TTLL5: variants seen among roughly 807,000 people sequenced by gnomAD.
The protein encoded by TTLL5 is tubulin polyglutamylase TTLL5.
Under a neutral mutation model 168.4 loss-of-function variants are expected in TTLL5, and 132 were observed. The ratio of observed to expected loss-of-function variants is 0.78; its 90% CI spans 0.68 to 0.91. The LOEUF (loss-of-function observed/expected upper bound fraction) is 0.91. Among genes scored for constraint, TTLL5 ranks in the 40% least tolerant of loss-of-function variants. The pLI is 0.00. For missense variants in TTLL5, 1,545 were observed against 1,581.5 expected (o/e 0.98, Z 0.39); for synonymous variants, 546 against 558.6 (o/e 0.98, Z 0.32).
intron 12 of TTLL5, among the ~76,000 whole-genome samples, chr14:75,731,048 C>T (rs955724505): frequency 3.3e-5 from 5 of 152,178 alleles, no homozygotes; most frequent in Non-Finnish European, 7.4e-5. Flanking sequence ...CATCATGTAA[C>T]TTCAGACTCC....
chr14:75,887,069 G>A (rs2032159936), intron 30 of TTLL5: 26 of 1,187,960 alleles, frequency 2.2e-5, no homozygotes, highest in African/African-American at 3.1e-5. Context: ...TTCTCATCAG[G>A]GTGACCTGAG....
At chr14:75,773,660 G>A (rs985125608) in intron 21 of TTLL5, among the ~76,000 whole-genome samples, 7 of 151,652 alleles carry the variant, frequency 4.6e-5, no homozygotes, top group African/African-American at 1.5e-4. Flanking sequence ...AGGCTGAGGC[G>A]GGTGGATCAG....
intron 5 of TTLL5, chr14:75,689,991 C>A: frequency 2.0e-6 from 1 of 512,752 alleles, no homozygotes; most frequent in Non-Finnish European, 3.3e-6. Flanking sequence ...GAGATTTTAT[C>A]TTAATGAAAA....
At chr14:75,772,315 A>C (rs926367447) in intron 21 of TTLL5, among the ~76,000 whole-genome samples, 1 of 152,236 alleles carries the variant, frequency 6.6e-6, no homozygotes, top group Non-Finnish European at 1.5e-5. Context: ...ACCAGAACTT[A>C]AACTCAGATG....
chr14:75,898,934 G>T (rs2032797421), intron 30 of TTLL5, among the ~76,000 whole-genome samples: 1 of 152,170 alleles, frequency 6.6e-6, no homozygotes, highest in Admixed American at 6.5e-5. Flanking sequence ...GGTTCAGAAT[G>T]CCTATGGCCA....
chr14:75,914,131 C>T (rs894611296), intron 31 of TTLL5, among the ~76,000 whole-genome samples: 16 of 147,148 alleles, frequency 1.1e-4, no homozygotes, highest in African/African-American at 2.8e-4. Flanking sequence ...AGATGAGTCC[C>T]GCTCTGTCAC....
chr14:75,808,728 A>T (rs2140384797), intron 27 of TTLL5, among the ~76,000 whole-genome samples: 1 of 152,254 alleles, frequency 6.6e-6, no homozygotes, highest in South Asian at 2.1e-4. Flanking sequence ...TCAGAGCCCC[A>T]TGGCTGCAGG....
intron 29 of TTLL5, among the ~76,000 whole-genome samples, chr14:75,873,536 CATA>C (rs764753619): frequency 4.7e-4 from 72 of 152,324 alleles, no homozygotes; most frequent in Non-Finnish European, 9.0e-4. Flanking sequence ...TTTTACTTAG[CATA>C]ATGTCTTCAA....
In TTLL5 at chr14:75,766,371, A is replaced by G. The variant is rs1260246867; in HGVS notation, c.2015+3A>G. The G allele has an allele frequency of 1.2e-6, 2 of 1,601,274 alleles. No homozygotes were observed. Among genetic ancestry groups the G allele is most frequent in the Admixed American group, 1.7e-5 (1 of 58,068 alleles). On this transcript the variant is annotated splice_donor_region_variant and intron_variant, in intron 20 of 31. Transcript: ENST00000298832. ...CTTCAAGATAATGGCAATCTTAGGTATGTATCTTTTATAATTATATTAGTA... is the reference window on the plus strand; with the variant it reads ...CTTCAAGATAATGGCAATCTTAGGTGTGTATCTTTTATAATTATATTAGTA...
chr14:75,858,942 G>T (rs562813030), intron 28 of TTLL5, among the ~76,000 whole-genome samples: 2 of 152,010 alleles, frequency 1.3e-5, no homozygotes, highest in Non-Finnish European at 2.9e-5. Context: ...CCTGACCTCC[G>T]CCAATTAAAT....
At chr14:75,799,814 AG>A (rs1307231984) in intron 27 of TTLL5, among the ~76,000 whole-genome samples, 1 of 152,200 alleles carries the variant, frequency 6.6e-6, no homozygotes, top group Non-Finnish European at 1.5e-5. Flanking sequence ...TCTAGCTTTT[AG>A]GGTTTCTGCT....
intron 3 of TTLL5, among the ~76,000 whole-genome samples, chr14:75,676,947 A>G (rs1884209133): frequency 6.6e-6 from 1 of 151,382 alleles, no homozygotes; most frequent in Non-Finnish European, 1.5e-5. Flanking sequence ...CTAATTTTTA[A>G]ATTTTTGTAG....
chr14:75,918,449 T>C lies in TTLL5; in HGVS notation c.3823+16225T>C, dbSNP rs1047543422. On this transcript the variant is annotated intron_variant, in intron 31 of 31. Coordinates refer to ENST00000298832, the MANE Select transcript of TTLL5 (RefSeq NM_015072.5). ...TCTACCACCAGCTTCTTGACTGCTATAAATAGATACGTTGTTCCTTGACCC... is the reference window on the plus strand; with the variant it reads ...TCTACCACCAGCTTCTTGACTGCTACAAATAGATACGTTGTTCCTTGACCC... Among the ~76,000 whole-genome samples the C allele has an allele frequency of 3.3e-5, 5 of 152,150 alleles. 1 individual carries two copies. In the East Asian group the frequency reaches 5.8e-4, roughly 18 times the overall value.
chr14:75,832,526 A>G (rs929210792), intron 28 of TTLL5, among the ~76,000 whole-genome samples: 1 of 152,238 alleles, frequency 6.6e-6, no homozygotes, highest in South Asian at 2.1e-4. Context: ...GACTTGGGGC[A>G]AATCATTTGA....
At chr14:75,877,892 T>C (rs2031585648) in intron 29 of TTLL5, among the ~76,000 whole-genome samples, 1 of 152,222 alleles carries the variant, frequency 6.6e-6, no homozygotes, top group Non-Finnish European at 1.5e-5. Flanking sequence ...ATATGTCTGC[T>C]TTTAACATTG....
chr14:75,869,903 T>C (rs902298370), intron 29 of TTLL5, among the ~76,000 whole-genome samples: 5 of 136,426 alleles, frequency 3.7e-5, no homozygotes, highest in African/African-American at 1.4e-4. Context: ...CACTGCAACG[T>C]CTGCCTCCCG....
chr14:75,701,312 C>CT lies in TTLL5; in HGVS notation c.585+2043dup, dbSNP rs566176577. On this transcript the variant is annotated intron_variant, in intron 7 of 31. Transcript: ENST00000298832. ...TTTATTGGGATTGTCTTTTCCCCTG[C>CT]TATTGGATTTTCTCAGCTTTGATGA... Among the ~76,000 whole-genome samples the CT allele has an allele frequency of 2.6e-5, 4 of 152,244 alleles. No individual in the cohort carries two copies. The South Asian group carries it at 8.3e-4, about 32-fold the overall frequency.
chr14:75,823,007 G>T (rs901622091), intron 28 of TTLL5, among the ~76,000 whole-genome samples: 5 of 152,146 alleles, frequency 3.3e-5, no homozygotes, highest in Admixed American at 2.0e-4. Flanking sequence ...GAGATTAATT[G>T]CAGGCCATTC....
At chr14:75,892,089 C>T (rs535406412) in intron 30 of TTLL5, among the ~76,000 whole-genome samples, 68 of 152,208 alleles carry the variant, frequency 4.5e-4, no homozygotes, top group African/African-American at 1.6e-3. Context: ...TTCTGATTTC[C>T]TCAACACTAA....
Sources: allele counts gnomAD v4.1 joint callset (sites outside exome capture counted in the v4.1 genomes callset), GRCh38; gene constraint gnomAD v4.1.1; transcripts MANE v1.5; gene names NCBI Gene and HGNC (gene_info 2026-07-23, HGNC 2026-07-21).